XRRA1: variants seen among roughly 807,000 people sequenced by gnomAD.
XRRA1 encodes X-ray radiation resistance associated 1.
XRRA1 carries 69 observed loss-of-function variants against 80.2 expected under a neutral mutation model. That is an observed-to-expected ratio of 0.86 (90% CI 0.71 to 1.05). XRRA1 has a LOEUF of 1.05. Ranked by LOEUF, XRRA1 falls within the 50% of genes least tolerant of loss-of-function variation. XRRA1 has a pLI of 0.00. For synonymous variants in XRRA1, 348 were observed against 389.9 expected (o/e 0.89, Z 1.27); for missense variants, 967 against 976.4 (o/e 0.99, Z 0.13).
intron 14 of XRRA1, 85 bp from the exon 15 acceptor site, chr11:74,848,547 T>G: frequency 1.6e-6 from 2 of 1,265,512 alleles, no homozygotes; most frequent in South Asian, 3.0e-5. Context: ...GCCACTTGTA[T>G]AGCAGCCGGA....
At chr11:74,885,867 G>A (rs2048893350) in intron 10 of XRRA1, among the ~76,000 whole-genome samples, 1 of 152,132 alleles carries the variant, frequency 6.6e-6, no homozygotes, top group African/African-American at 2.4e-5. Flanking sequence ...TATCCACCAT[G>A]ATCAAGTAGG....
At chr11:74,923,407 A>T (rs570053338) in intron 7 of XRRA1, among the ~76,000 whole-genome samples, 64 of 152,310 alleles carry the variant, frequency 4.2e-4, no homozygotes, top group Middle Eastern at 3.4e-3. Flanking sequence ...GAGCAAACAG[A>T]GAAGCCTACA....
At position 74,844,160 on chromosome 11, in the gene XRRA1, A is replaced by T. The variant is rs2037337574; in HGVS notation, c.2043+8T>A. 6.2e-7 allele frequency: 1 copy of T among 1,612,168 alleles called. No homozygotes were observed. The highest frequency in any genetic ancestry group is 8.5e-7 in the Non-Finnish European group (1 of 1,178,324). ...GCCATTTACACATTCAGTGAGCTGGATGTTTACCCGTTTCTCTTTGTGAAC... is the reference window on the plus strand; with the variant it reads ...GCCATTTACACATTCAGTGAGCTGGTTGTTTACCCGTTTCTCTTTGTGAAC... On this transcript the variant is annotated splice_region_variant and intron_variant, in intron 17 of 18. Coordinates refer to ENST00000684022, the MANE Select transcript of XRRA1 (RefSeq NM_001378157.1).
At chr11:74,897,719 A>AAG (rs1273421587) in intron 10 of XRRA1, among the ~76,000 whole-genome samples, 5 of 150,948 alleles carry the variant, frequency 3.3e-5, no homozygotes, top group Non-Finnish European at 5.9e-5. Flanking sequence ...AAAAAAAAAA[A>AAG]AAAGAAAAAA....
Position 74,865,482 on chromosome 11 carries a change from G to A in XRRA1, c.1004-2461C>T, listed in dbSNP as rs188195723. Among the ~76,000 whole-genome samples, 81 of 152,242 alleles carry A rather than the reference G, an allele frequency of 5.3e-4. 1 individual carries two copies. Among genetic ancestry groups the A allele is most frequent in the African/African-American group, 1.8e-3 (74 of 41,556 alleles). On this transcript the variant is annotated intron_variant, in intron 10 of 18. Coordinates refer to ENST00000684022, the MANE Select transcript of XRRA1 (RefSeq NM_001378157.1). Reference sequence around the variant, plus strand: ...AATCAGGGAATTATTCCATCTGTGCGGAGACATGCAGGCAGATGTGTGCCT... The same window carrying A: ...AATCAGGGAATTATTCCATCTGTGCAGAGACATGCAGGCAGATGTGTGCCT...
At chr11:74,940,257 A>T (rs1946048713) in intron 3 of XRRA1, among the ~76,000 whole-genome samples, 2 of 152,236 alleles carry the variant, frequency 1.3e-5, no homozygotes, top group South Asian at 4.1e-4. Context: ...GTCGAATTTA[A>T]GCCATTTTAT....
chr11:74,925,502 ACTT>A (rs1408911346), intron 7 of XRRA1, among the ~76,000 whole-genome samples: 3 of 152,338 alleles, frequency 2.0e-5, no homozygotes, highest in South Asian at 2.1e-4. Flanking sequence ...ACAGGTTTAT[ACTT>A]CTTCTTAGGG....
At chr11:74,923,147 G>C (rs1941332900) in intron 7 of XRRA1, among the ~76,000 whole-genome samples, 1 of 152,228 alleles carries the variant, frequency 6.6e-6, no homozygotes, top group African/African-American at 2.4e-5. Context: ...TCAGAGACCA[G>C]TAGGTATTCA....
chr11:74,884,369 T>A (rs997193453), intron 10 of XRRA1, among the ~76,000 whole-genome samples: 2 of 152,172 alleles, frequency 1.3e-5, no homozygotes, highest in African/African-American at 2.4e-5. Flanking sequence ...GAATGGGCAG[T>A]GTGGCACAGG....
chr11:74,922,399 G>A (rs767691587), intron 7 of XRRA1, among the ~76,000 whole-genome samples: 1 of 152,086 alleles, frequency 6.6e-6, no homozygotes, highest in Non-Finnish European at 1.5e-5. Flanking sequence ...GGGGCCAAGG[G>A]GTCAGTCAGA....
At chr11:74,879,269 T>C (rs1464657151) in intron 10 of XRRA1, among the ~76,000 whole-genome samples, 3 of 151,294 alleles carry the variant, frequency 2.0e-5, no homozygotes, top group Non-Finnish European at 4.4e-5. Flanking sequence ...TCTGTTTGTC[T>C]GTTGTTGGTG....
At position 74,882,165 on chromosome 11, in the gene XRRA1, G is replaced by A. The variant is rs538731564; in HGVS notation, c.1004-19144C>T. On this transcript the variant is annotated intron_variant, in intron 10 of 18. Coordinates refer to ENST00000684022, the MANE Select transcript of XRRA1 (RefSeq NM_001378157.1). ...TACACCAAATCAGACGTAGATTTTG[G>A]TCTTTTCACATAGTCCCATATTTCT... Among the ~76,000 whole-genome samples the A allele has an allele frequency of 2.6e-5, 4 of 152,262 alleles. No homozygotes were observed. The East Asian group carries it at 7.7e-4, about 29-fold the overall frequency.
intron 14 of XRRA1, 46 bp downstream of exon 14, chr11:74,851,042 G>A: frequency 1.3e-6 from 2 of 1,506,910 alleles, no homozygotes; most frequent in Non-Finnish European, 1.8e-6. Context: ...CATTATAATA[G>A]GCTGCACTCT....
chr11:74,878,314 GT>G (rs1316070541), intron 10 of XRRA1, among the ~76,000 whole-genome samples: 1 of 151,312 alleles, frequency 6.6e-6, no homozygotes, highest in African/African-American at 2.4e-5. Context: ...GGGGTTGTTT[GT>G]TTTTTTCTTG....
At chr11:74,939,119 A>G (rs1293188161) in intron 3 of XRRA1, among the ~76,000 whole-genome samples, 1 of 152,180 alleles carries the variant, frequency 6.6e-6, no homozygotes, top group African/African-American at 2.4e-5. Context: ...TGGGAGGCTG[A>G]GGCGGGTGGA....
chr11:74,843,639 T>C (rs1490008126), intron 18 of XRRA1, 186 bp from the exon 19 acceptor site: 2 of 869,028 alleles, frequency 2.3e-6, no homozygotes, highest in Non-Finnish European at 3.5e-6. Flanking sequence ...GCATTGACTC[T>C]ATCTTAAGCC....
At chr11:74,846,424 GGCTTATTCTCTGA>G (rs1232575298) in intron 15 of XRRA1, among the ~76,000 whole-genome samples, 1 of 152,072 alleles carries the variant, frequency 6.6e-6, no homozygotes, top group Non-Finnish European at 1.5e-5. Context: ...AATTAAAAGA[GGCTTATTCTCTGA>G]GGTTAGTATT....
At chr11:74,942,790 T>A (rs930293765) in intron 2 of XRRA1, among the ~76,000 whole-genome samples, 7 of 152,252 alleles carry the variant, frequency 4.6e-5, no homozygotes, top group African/African-American at 1.7e-4. Flanking sequence ...TGCCTTAGTA[T>A]CTGCCACATG....
chr11:74,850,887 T>A (rs1327861669), intron 14 of XRRA1: 2 of 336,046 alleles, frequency 6.0e-6, no homozygotes, highest in African/African-American at 4.3e-5. Context: ...GGTAAGAGTT[T>A]TAGGAGTTTA....
Sources: gnomAD v4.1 joint callset for allele counts (sites outside exome capture counted in the v4.1 genomes callset) on GRCh38, gnomAD v4.1.1 for gene constraint, MANE v1.5 for transcripts, NCBI Gene and HGNC (gene_info 2026-07-23, HGNC 2026-07-21) for gene names.